DLGAP2: variants seen among roughly 807,000 people sequenced by gnomAD.
DLGAP2 encodes disks large-associated protein 2.
DLGAP2 carries 26 observed loss-of-function variants against 100.3 expected under a neutral mutation model. The observed-to-expected ratio is 0.26, with a 90% CI of 0.19 to 0.36. The LOEUF is 0.36. Among genes scored for constraint, DLGAP2 ranks in the 10% least tolerant of loss-of-function variants. The pLI, the probability that DLGAP2 is intolerant of heterozygous loss-of-function variation, is 1.00. For missense variants in DLGAP2, 1,858 were observed against 1,453.2 expected, an observed-to-expected ratio of 1.28 and a Z score of -4.53; for synonymous variants, 886 against 630.1, an observed-to-expected ratio of 1.41 and a Z score of -6.08.
intron 2 of DLGAP2, among the ~76,000 whole-genome samples, chr8:1,254,402 T>C (rs1401293840): frequency 2.0e-5 from 3 of 152,036 alleles, no homozygotes; most frequent in Admixed American, 2.0e-4. Flanking sequence ...TTCCTGAGTG[T>C]CATGCCAAGG....
At chr8:1,616,333 T>C (rs80214298) in intron 6 of DLGAP2, among the ~76,000 whole-genome samples, 2,936 of 152,162 alleles carry the variant, frequency 0.019, 86 homozygotes, top group African/African-American at 0.066. Flanking sequence ...CAGAAGGTTT[T>C]GAAGAAAAAA....
intron 3 of DLGAP2, among the ~76,000 whole-genome samples, chr8:1,389,147 T>C (rs1796287327): frequency 6.6e-6 from 1 of 152,078 alleles, no homozygotes; most frequent in African/African-American, 2.4e-5. Flanking sequence ...TCCCACAGAC[T>C]AAGGGTGTGG....
chr8:1,309,013 G>A (rs1401401638), intron 3 of DLGAP2, among the ~76,000 whole-genome samples: 1 of 152,128 alleles, frequency 6.6e-6, no homozygotes, highest in Admixed American at 6.6e-5. Context: ...GTAGAGGAAA[G>A]TGTCTACAGT....
chr8:1,268,038 A>G (rs76457059), intron 3 of DLGAP2, among the ~76,000 whole-genome samples: 7,518 of 152,234 alleles, frequency 0.049, 289 homozygotes, highest in African/African-American at 0.099. Context: ...AATTGAACAT[A>G]CCATCTGGTG....
chr8:1,334,548 C>T (rs540558273), intron 3 of DLGAP2, among the ~76,000 whole-genome samples: 89 of 152,262 alleles, frequency 5.8e-4, no homozygotes, highest in African/African-American at 1.8e-3. Flanking sequence ...GAGGAAGTCA[C>T]GCAGATGTGA....
intron 1 of DLGAP2, among the ~76,000 whole-genome samples, chr8:851,648 A>G (rs188702734): frequency 7.9e-5 from 12 of 152,316 alleles, no homozygotes; most frequent in Non-Finnish European, 1.3e-4. Context: ...ACATTTATTT[A>G]TCCAGCTGCC....
intron 3 of DLGAP2, among the ~76,000 whole-genome samples, chr8:1,293,716 T>C (rs953212039): frequency 1.1e-4 from 17 of 152,204 alleles, no homozygotes; most frequent in African/African-American, 2.9e-4. Context: ...TTCCCCATTC[T>C]TTATAATACA....
chr8:1,549,135 C>A lies in DLGAP2; in HGVS notation c.682C>A (p.Arg228=), dbSNP rs1428611888. 1 of 1,590,696 alleles carries A rather than the reference C, an allele frequency of 6.3e-7. No individual in the cohort carries two copies. Among genetic ancestry groups the A allele is most frequent in the Non-Finnish European group, 8.5e-7 (1 of 1,170,578 alleles). Residue 228 remains arginine, a synonymous_variant, in exon 5 of 15, where the codon CGG becomes AGG. Coordinates refer to ENST00000637795, the MANE Select transcript of DLGAP2 (RefSeq NM_001346810.2). ...AAEQRSESPG[R]IRHLVHSVQK... is the part of the protein sequence containing the mutation. ...CGAGCAGCGCAGCGAGAGCCCCGGG[C>A]GGATCCGCCACCTGGTACACTCCGT...
intron 3 of DLGAP2, among the ~76,000 whole-genome samples, chr8:1,356,882 G>A (rs1317787254): frequency 5.9e-5 from 9 of 152,186 alleles, no homozygotes; most frequent in East Asian, 3.9e-4. Context: ...GAAACACCTC[G>A]TCTTCAGGGT....
chr8:1,137,637 T>C (rs1361445795), intron 2 of DLGAP2: 1 of 152,244 alleles, frequency 6.6e-6, no homozygotes, highest in Non-Finnish European at 1.5e-5. Context: ...CCCGGGTCAC[T>C]GTCTTTCTAT....
intron 2 of DLGAP2, among the ~76,000 whole-genome samples, chr8:1,077,603 G>C: frequency 6.6e-6 from 1 of 152,206 alleles, no homozygotes; most frequent in Non-Finnish European, 1.5e-5. Flanking sequence ...TGTATGCTCG[G>C]GATTGTTTAA....
rs996888611 is a variant in DLGAP2, at chr8:1,274,405, T to C, written c.106+15522T>C. On this transcript the variant is annotated intron_variant, in intron 3 of 14. Coordinates refer to ENST00000637795, the MANE Select transcript of DLGAP2 (RefSeq NM_001346810.2). Reference sequence around the variant, plus strand: ...CCAACATGTATAAGAATATAAACCATAAAATGAGTGACTTTGGATTTGTTT... The same window carrying C: ...CCAACATGTATAAGAATATAAACCACAAAATGAGTGACTTTGGATTTGTTT... Among the ~76,000 whole-genome samples the C allele has an allele frequency of 2.7e-5, 4 of 150,574 alleles. No individual in the cohort carries two copies. The East Asian group carries it at 7.8e-4, about 29-fold the overall frequency.
intron 2 of DLGAP2, among the ~76,000 whole-genome samples, chr8:913,315 G>A (rs1798526761): frequency 6.6e-6 from 1 of 152,170 alleles, no homozygotes; most frequent in Admixed American, 6.5e-5. Flanking sequence ...AAATCCCCTA[G>A]ATTTCTTGGG....
chr8:1,447,843 A>G (rs1253425893), intron 3 of DLGAP2, among the ~76,000 whole-genome samples: 1 of 152,144 alleles, frequency 6.6e-6, no homozygotes, highest in South Asian at 2.1e-4. Context: ...GAATTTATCC[A>G]TTTCTTCTAG....
intron 2 of DLGAP2, among the ~76,000 whole-genome samples, chr8:1,033,611 T>A (rs1802034584): frequency 6.6e-6 from 1 of 152,138 alleles, no homozygotes; most frequent in Non-Finnish European, 1.5e-5. Context: ...GAGGTTGCAG[T>A]GAGCTGAGGT....
chr8:1,002,124 C>T (rs1027671915), intron 2 of DLGAP2: 8 of 152,174 alleles, frequency 5.3e-5, no homozygotes, highest in African/African-American at 1.9e-4. Context: ...TGAAGACCCC[C>T]AGGCCCAGGG....
intron 2 of DLGAP2, among the ~76,000 whole-genome samples, chr8:1,174,388 C>T (rs1283961401): frequency 6.6e-6 from 1 of 151,736 alleles, no homozygotes; most frequent in Non-Finnish European, 1.5e-5. Context: ...CCATTACCAC[C>T]ATCATCATTA....
At chr8:826,355 T>A (rs561943382) in intron 1 of DLGAP2, among the ~76,000 whole-genome samples, 2 of 152,326 alleles carry the variant, frequency 1.3e-5, no homozygotes, top group Middle Eastern at 3.4e-3. Context: ...ATTTTCATTG[T>A]TGTGTTTATG....
chr8:1,501,224 C>G (rs1799711230), intron 3 of DLGAP2, 142 bp from the exon 4 acceptor site: 1 of 856,876 alleles, frequency 1.2e-6, no homozygotes, highest in Admixed American at 2.4e-5. Context: ...ATGCTGGGCT[C>G]TGAGCGGTGA....
Sources: allele counts gnomAD v4.1 joint callset (sites outside exome capture counted in the v4.1 genomes callset), GRCh38; gene constraint gnomAD v4.1.1; transcripts MANE v1.5; gene names NCBI Gene and HGNC (gene_info 2026-07-23, HGNC 2026-07-21).